Variants in CAMTA1 observed in about 807,000 individuals in gnomAD.
The protein encoded by CAMTA1 is calmodulin-binding transcription activator 1.
Under a neutral mutation model 170.9 loss-of-function variants are expected in CAMTA1, and 27 were observed. The ratio of observed to expected loss-of-function variants is 0.16; its 90% CI spans 0.12 to 0.22. The LOEUF is 0.22. Among genes scored for constraint, CAMTA1 ranks in the 10% least tolerant of loss-of-function variants. The pLI, the probability that CAMTA1 is intolerant of heterozygous loss-of-function variation, is 1.00. For missense variants in CAMTA1, 1,619 were observed against 2,217.2 expected, an observed-to-expected ratio of 0.73 and a Z score of 5.42; for synonymous variants, 833 against 891.5, an observed-to-expected ratio of 0.93 and a Z score of 1.17.
intron 3 of CAMTA1, among the ~76,000 whole-genome samples, chr1:6,968,556 C>T (rs1691977832): frequency 6.6e-6 from 1 of 152,052 alleles, no homozygotes; most frequent in South Asian, 2.1e-4. Context: ...CCTCATGGAA[C>T]TGATGTTAGG....
At chr1:7,072,747 C>G (rs999422829) in intron 3 of CAMTA1, among the ~76,000 whole-genome samples, 1 of 152,112 alleles carries the variant, frequency 6.6e-6, no homozygotes, top group South Asian at 2.1e-4. Flanking sequence ...GGGAGTGAAC[C>G]GAGTAGGATT....
intron 5 of CAMTA1, among the ~76,000 whole-genome samples, chr1:7,362,778 G>A (rs1013929776): frequency 3.4e-5 from 3 of 87,148 alleles, no homozygotes; most frequent in Non-Finnish European, 1.0e-4. Context: ...GTGGACTTGG[G>A]TAGAGTTAGT....
At chr1:7,024,500 T>C (rs1243862696) in intron 3 of CAMTA1, among the ~76,000 whole-genome samples, 2 of 152,238 alleles carry the variant, frequency 1.3e-5, no homozygotes, top group East Asian at 3.8e-4. Flanking sequence ...ATAGGGTAAA[T>C]AGGATACTTT....
At chr1:7,223,833 C>T (rs972754849) in intron 4 of CAMTA1, among the ~76,000 whole-genome samples, 53 of 152,184 alleles carry the variant, frequency 3.5e-4, no homozygotes, top group Middle Eastern at 6.8e-3. Flanking sequence ...AATATGCAAG[C>T]GAGATTCCTT....
chr1:7,072,498 G>A (rs1469263317), intron 3 of CAMTA1, among the ~76,000 whole-genome samples: 1 of 152,210 alleles, frequency 6.6e-6, no homozygotes, highest in Non-Finnish European at 1.5e-5. Context: ...AGATATAGCA[G>A]TGATCAAAAT....
intron 4 of CAMTA1, among the ~76,000 whole-genome samples, chr1:7,162,609 T>C (rs1647444273): frequency 6.6e-6 from 1 of 152,196 alleles, no homozygotes; most frequent in Non-Finnish European, 1.5e-5. Context: ...GTTTTCAAGG[T>C]TTATTCATAT....
intron 6 of CAMTA1, among the ~76,000 whole-genome samples, chr1:7,600,709 A>G (rs542496021): frequency 4.5e-4 from 69 of 152,144 alleles, no homozygotes; most frequent in African/African-American, 1.6e-3. Context: ...GCCTTCAAGC[A>G]TCTGTTTAAC....
At chr1:7,671,058 G>GC in intron 10 of CAMTA1, 21 bp downstream of exon 10, 3 of 1,611,636 alleles carry the variant, frequency 1.9e-6, no homozygotes, top group Non-Finnish European at 1.7e-6. Context: ...CGCCCCCCAG[G>GC]CCCCCAAGGT....
intron 6 of CAMTA1, among the ~76,000 whole-genome samples, chr1:7,590,340 G>A (rs1405309696): frequency 6.6e-6 from 1 of 152,240 alleles, no homozygotes; most frequent in Non-Finnish European, 1.5e-5. Flanking sequence ...AGATAGAGCA[G>A]CACATTCCAC....
intron 3 of CAMTA1, among the ~76,000 whole-genome samples, chr1:6,864,224 A>G (rs1452309311): frequency 6.6e-6 from 1 of 152,162 alleles, no homozygotes; most frequent in Non-Finnish European, 1.5e-5. Flanking sequence ...TGAATCCAAA[A>G]CAATTCCTGC....
intron 3 of CAMTA1, among the ~76,000 whole-genome samples, chr1:7,054,932 C>T (rs1707063056): frequency 6.6e-6 from 1 of 152,162 alleles, no homozygotes; most frequent in Non-Finnish European, 1.5e-5. Flanking sequence ...AACTTACAAT[C>T]ATAGCAGAAG....
chr1:7,420,330 GCT>G (rs1357461431), intron 5 of CAMTA1, among the ~76,000 whole-genome samples: 2 of 152,078 alleles, frequency 1.3e-5, no homozygotes, highest in African/African-American at 2.4e-5. Flanking sequence ...CCTGCTCCTT[GCT>G]CTGTCTTGTT....
chr1:7,302,721 G>A (rs9660884), intron 5 of CAMTA1, among the ~76,000 whole-genome samples: 60,481 of 152,052 alleles, frequency 0.4, 13,142 homozygotes, highest in Admixed American at 0.55. Flanking sequence ...AGGGTCTTGC[G>A]TCTCAAGGGG....
chr1:7,213,526 G>C (rs146890826), intron 4 of CAMTA1, among the ~76,000 whole-genome samples: 24 of 152,088 alleles, frequency 1.6e-4, no homozygotes, highest in African/African-American at 5.5e-4. Context: ...CTGAGAGGTG[G>C]TTTGCAAATA....
chr1:6,928,941 T>A (rs1168434380), intron 3 of CAMTA1, among the ~76,000 whole-genome samples: 1 of 152,216 alleles, frequency 6.6e-6, no homozygotes, highest in African/African-American at 2.4e-5. Flanking sequence ...GTCCTGTGCC[T>A]GGCCCATCGG....
chr1:7,128,387 T>C (rs1469860890), intron 4 of CAMTA1, among the ~76,000 whole-genome samples: 1 of 152,180 alleles, frequency 6.6e-6, no homozygotes, highest in African/African-American at 2.4e-5. Context: ...GCCTCCCTGC[T>C]GAGGTGACAT....
At chr1:7,244,942 C>T (rs908062417) in intron 4 of CAMTA1, among the ~76,000 whole-genome samples, 10 of 151,746 alleles carry the variant, frequency 6.6e-5, no homozygotes, top group African/African-American at 9.7e-5. Flanking sequence ...TAATTAACTT[C>T]GGAAGATTGA....
chr1:7,236,630 A>C (rs1360406727), intron 4 of CAMTA1, among the ~76,000 whole-genome samples: 1 of 152,204 alleles, frequency 6.6e-6, no homozygotes, highest in Non-Finnish European at 1.5e-5. Context: ...TGAAGATAGC[A>C]ATACCCAGCT....
chr1:7,417,932 C>A (rs188471927), intron 5 of CAMTA1, among the ~76,000 whole-genome samples: 2 of 152,294 alleles, frequency 1.3e-5, no homozygotes, highest in East Asian at 3.9e-4. Context: ...CTAAAGCCAG[C>A]TTTTCGCCAT....
Sources: gnomAD v4.1 joint callset for allele counts (sites outside exome capture counted in the v4.1 genomes callset) on GRCh38, gnomAD v4.1.1 for gene constraint, MANE v1.5 for transcripts, NCBI Gene and HGNC (gene_info 2026-07-23, HGNC 2026-07-21) for gene names.